CDKAL1: variants seen among roughly 807,000 people sequenced by gnomAD.
CDKAL1 encodes CDKAL1 threonylcarbamoyladenosine tRNA methylthiotransferase, also known as threonylcarbamoyladenosine tRNA methylthiotransferase.
CDKAL1 carries 32 observed loss-of-function variants against 68.2 expected under a neutral mutation model. That is an observed-to-expected ratio of 0.47 (90% confidence interval 0.35 to 0.63). CDKAL1 has a LOEUF of 0.63. Ranked by LOEUF, CDKAL1 falls within the 30% of genes least tolerant of loss-of-function variation. The probability of loss-of-function intolerance (pLI) is 0.00; values close to 1 mark genes in which losing one functional copy is unlikely to be tolerated. For missense variants in CDKAL1, 606 were observed against 696.7 expected, an observed-to-expected ratio of 0.87 and a Z score of 1.47; for synonymous variants, 234 against 244.3, an observed-to-expected ratio of 0.96 and a Z score of 0.39.
intron 4 of CDKAL1, among the ~76,000 whole-genome samples, chr6:20,639,911 C>T (rs1768089462): frequency 1.3e-5 from 2 of 152,238 alleles, no homozygotes; most frequent in African/African-American, 4.8e-5. Flanking sequence ...CCTCGTGATC[C>T]GCCCGCCTTG....
chr6:21,066,377 A>G (rs924876171), intron 12 of CDKAL1, among the ~76,000 whole-genome samples: 1 of 152,212 alleles, frequency 6.6e-6, no homozygotes, highest in African/African-American at 2.4e-5. Flanking sequence ...GCAGATTGTA[A>G]CACCACAAAT....
At chr6:20,957,646 G>T (rs1375321296) in intron 10 of CDKAL1, among the ~76,000 whole-genome samples, 1 of 152,078 alleles carries the variant, frequency 6.6e-6, no homozygotes, top group African/African-American at 2.4e-5. Context: ...CCCAGTAGTG[G>T]CTCAATAAAT....
chr6:20,769,434 T>C (rs1258100876), intron 7 of CDKAL1, among the ~76,000 whole-genome samples: 1 of 151,992 alleles, frequency 6.6e-6, no homozygotes, highest in Non-Finnish European at 1.5e-5. Flanking sequence ...TATTTTTGTA[T>C]TTTTAGTAGA....
chr6:21,158,510 C>T (rs1455844253), intron 13 of CDKAL1, among the ~76,000 whole-genome samples: 1 of 152,212 alleles, frequency 6.6e-6, no homozygotes, highest in Non-Finnish European at 1.5e-5. Flanking sequence ...AGCTCCAAGC[C>T]AGATAACTAC....
intron 9 of CDKAL1, among the ~76,000 whole-genome samples, chr6:20,907,741 A>G (rs1762294771): frequency 6.6e-6 from 1 of 152,124 alleles, no homozygotes; most frequent in South Asian, 2.1e-4. Flanking sequence ...GTCAGCAGCC[A>G]GGGAGTCAGA....
At chr6:20,872,455 G>A (rs1475169766) in intron 9 of CDKAL1, among the ~76,000 whole-genome samples, 1 of 152,298 alleles carries the variant, frequency 6.6e-6, no homozygotes, top group African/African-American at 2.4e-5. Flanking sequence ...GTGACCTTAA[G>A]TTGGGTTTCA....
At chr6:20,838,373 G>A (rs1172082347) in intron 8 of CDKAL1, among the ~76,000 whole-genome samples, 1 of 151,974 alleles carries the variant, frequency 6.6e-6, no homozygotes, top group Non-Finnish European at 1.5e-5. Flanking sequence ...GGCCAACCAG[G>A]TGTCTATGTC....
chr6:21,171,266 G>C (rs1038901600), intron 13 of CDKAL1, among the ~76,000 whole-genome samples: 22 of 152,090 alleles, frequency 1.4e-4, no homozygotes, highest in Non-Finnish European at 2.9e-4. Context: ...AGGCTGAAGT[G>C]CAGTGGTACG....
At chr6:20,672,334 GTC>G (rs1169822037) in intron 5 of CDKAL1, among the ~76,000 whole-genome samples, 4 of 129,444 alleles carry the variant, frequency 3.1e-5, no homozygotes, top group Admixed American at 8.7e-5. Flanking sequence ...TTCTCTCTCT[GTC>G]TCTCTCTCTC....
At chr6:20,976,286 A>C (rs191228411) in intron 10 of CDKAL1, among the ~76,000 whole-genome samples, 24 of 152,308 alleles carry the variant, frequency 1.6e-4, no homozygotes, top group Admixed American at 1.4e-3. Flanking sequence ...GAAGACATTT[A>C]TGATTAAATA....
At chr6:20,674,687 C>G (rs1034952315) in intron 5 of CDKAL1, among the ~76,000 whole-genome samples, 21 of 152,156 alleles carry the variant, frequency 1.4e-4, no homozygotes, top group African/African-American at 5.1e-4. Flanking sequence ...ACTTATTCCT[C>G]CTGTCTAACT....
intron 3 of CDKAL1, 109 bp from the exon 4 acceptor site, chr6:20,548,484 G>C: frequency 1.5e-6 from 1 of 670,566 alleles, no homozygotes; most frequent in Non-Finnish European, 2.7e-6. Flanking sequence ...AGTGAGCTGT[G>C]GTCACACAGC....
chr6:21,183,447 A>G (rs1381279126), intron 13 of CDKAL1, among the ~76,000 whole-genome samples: 1 of 152,140 alleles, frequency 6.6e-6, no homozygotes, highest in Non-Finnish European at 1.5e-5. Context: ...TCTAGACTCT[A>G]AGTAACTAGT....
chr6:20,793,206 G>A (rs4495263), intron 8 of CDKAL1, among the ~76,000 whole-genome samples: 15,642 of 152,094 alleles, frequency 0.1, 871 homozygotes, highest in African/African-American at 0.13. Context: ...AAAAAAGATT[G>A]CAATTGTTAA....
At chr6:21,221,659 A>G (rs974596803) in intron 15 of CDKAL1, among the ~76,000 whole-genome samples, 2 of 152,116 alleles carry the variant, frequency 1.3e-5, no homozygotes. Flanking sequence ...TGGTGGGGGG[A>G]AAAAAGCCTG....
chr6:20,638,685 C>T (rs1438578630), intron 4 of CDKAL1, among the ~76,000 whole-genome samples: 2 of 150,714 alleles, frequency 1.3e-5, no homozygotes, highest in Non-Finnish European at 2.9e-5. Context: ...GATCTCAGCT[C>T]ACTGCAACCT....
intron 13 of CDKAL1, among the ~76,000 whole-genome samples, chr6:21,126,852 G>A (rs1775038168): frequency 6.6e-6 from 1 of 152,130 alleles, no homozygotes; most frequent in Admixed American, 6.5e-5. Flanking sequence ...GAACTGTCAA[G>A]GTAGTTTTTG....
At position 20,790,405 on chromosome 6, in the gene CDKAL1, C is replaced by T. The variant is rs114251110; in HGVS notation, c.638+9140C>T. Among the ~76,000 whole-genome samples, 786 of 152,238 alleles carry T rather than the reference C, an allele frequency of 5.2e-3. 2 individuals are homozygous for T. The highest frequency in any genetic ancestry group is 0.025 in the South Asian group (122 of 4,824). On this transcript the variant is annotated intron_variant, in intron 8 of 15. Transcript: ENST00000274695. ...GCAGTGGTTATTGCATTGTGAAAAA[C>T]CATGTCTTACACAGAGAATGATGAG...
intron 4 of CDKAL1, among the ~76,000 whole-genome samples, chr6:20,589,640 A>G (rs1765512432): frequency 6.6e-6 from 1 of 152,210 alleles, no homozygotes; most frequent in South Asian, 2.1e-4. Context: ...CCTTCACATC[A>G]GTGGGATTGA....
Sources: allele counts gnomAD v4.1 joint callset (sites outside exome capture counted in the v4.1 genomes callset), GRCh38; gene constraint gnomAD v4.1.1; transcripts MANE v1.5; gene names NCBI Gene and HGNC (gene_info 2026-07-23, HGNC 2026-07-21).